CDC73: variants seen among roughly 807,000 people sequenced by gnomAD.
CDC73 encodes cell division cycle 73, also known as parafibromin.
CDC73 carries 21 observed loss-of-function variants against 83.7 expected under a neutral mutation model. That is an observed-to-expected ratio of 0.25 (90% CI 0.18 to 0.36). The LOEUF (loss-of-function observed/expected upper bound fraction) is 0.36. CDC73 is among the 10% of genes least tolerant of loss of function. The pLI is 1.00. For missense variants in CDC73, 342 were observed against 653.3 expected (o/e 0.52, Z 5.19); for synonymous variants, 224 against 212.9 (o/e 1.05, Z -0.45).
intron 10 of CDC73, among the ~76,000 whole-genome samples, chr1:193,183,687 T>C (rs2103161478): frequency 6.6e-6 from 1 of 151,856 alleles, no homozygotes; most frequent in East Asian, 1.9e-4. Flanking sequence ...TCCGCTCCAC[T>C]TCATAAGGAT....
rs143861504 is a variant in CDC73, at chr1:193,203,957, A to T, written c.1030+105A>T. ...TGAACAAACTTAAATTTTACTTAAAATACATTGCAAAGTCATGTTTCTTTG... is the reference window on the plus strand; with the variant it reads ...TGAACAAACTTAAATTTTACTTAAATTACATTGCAAAGTCATGTTTCTTTG... On this transcript the variant is annotated intron_variant, in intron 11 of 16. Transcript: ENST00000367435. The T allele has an allele frequency of 7.9e-6, 7 of 887,950 alleles. No individual in the cohort carries two copies. The African/African-American group carries it at 8.3e-5, about 11-fold the overall frequency. 55.0% of individuals were successfully genotyped at this position (887,950 alleles called of 1,614,324 possible).
intron 11 of CDC73, among the ~76,000 whole-genome samples, chr1:193,209,641 G>T (rs1677244052): frequency 2.0e-5 from 3 of 152,014 alleles, no homozygotes. Flanking sequence ...ACATACTAGG[G>T]AACTTGTTTA....
At chr1:193,147,673 T>TA (rs1303916941) in intron 7 of CDC73, among the ~76,000 whole-genome samples, 194 bp from the exon 8 acceptor site, 3 of 152,212 alleles carry the variant, frequency 2.0e-5, no homozygotes, top group Non-Finnish European at 4.4e-5. Context: ...ATGAATACCA[T>TA]GGGATTTACA....
At chr1:193,166,250 C>CT (rs1256145601) in intron 10 of CDC73, among the ~76,000 whole-genome samples, 1 of 152,046 alleles carries the variant, frequency 6.6e-6, no homozygotes, top group Non-Finnish European at 1.5e-5. Flanking sequence ...TCATTGCAGC[C>CT]TTTATTTCCT....
chr1:193,141,774 T>A (rs533721295), intron 6 of CDC73, 76 bp from the exon 7 acceptor site: 80 of 982,370 alleles, frequency 8.1e-5, no homozygotes, highest in Admixed American at 1.4e-4. Context: ...CAGAAATTTA[T>A]AAATGTAACA....
At chr1:193,158,412 A>C (rs1176899996) in intron 10 of CDC73, among the ~76,000 whole-genome samples, 2 of 152,018 alleles carry the variant, frequency 1.3e-5, no homozygotes, top group African/African-American at 4.8e-5. Context: ...CTATAATCCT[A>C]GAACTTTGGG....
At chr1:193,172,702 C>T (rs2103151160) in intron 10 of CDC73, among the ~76,000 whole-genome samples, 1 of 152,272 alleles carries the variant, frequency 6.6e-6, no homozygotes, top group South Asian at 2.1e-4. Flanking sequence ...AGTTACCTGG[C>T]ACTGCATCCT....
chr1:193,243,219 C>A (rs577235078), intron 15 of CDC73, among the ~76,000 whole-genome samples: 1 of 152,054 alleles, frequency 6.6e-6, no homozygotes, highest in Admixed American at 6.5e-5. Context: ...GGATTACAGG[C>A]GTGAGCCACC....
intron 6 of CDC73, chr1:193,141,081 T>C (rs1211229909): frequency 1.3e-5 from 2 of 152,274 alleles, no homozygotes; most frequent in African/African-American, 4.8e-5. Flanking sequence ...AGATTTTGTG[T>C]AAACATATTT....
chr1:193,238,688 T>C (rs992926676), intron 15 of CDC73, among the ~76,000 whole-genome samples: 1 of 152,214 alleles, frequency 6.6e-6, no homozygotes, highest in Admixed American at 6.5e-5. Context: ...ACATAAACAG[T>C]CGATTAACAA....
chr1:193,239,770 C>G (rs1677825351), intron 15 of CDC73, among the ~76,000 whole-genome samples: 1 of 152,064 alleles, frequency 6.6e-6, no homozygotes, highest in South Asian at 2.1e-4. Context: ...TCTCTTCTAG[C>G]TGTTTAGAAA....
chr1:193,199,630 G>A (rs911154384), intron 10 of CDC73, among the ~76,000 whole-genome samples: 2 of 150,214 alleles, frequency 1.3e-5, no homozygotes, highest in African/African-American at 4.9e-5. Flanking sequence ...GGAGACTCTC[G>A]AGCTTGGGAG....
At chr1:193,142,121 G>C (rs1373677838) in intron 7 of CDC73, 55 bp downstream of exon 7, 7 of 1,384,562 alleles carry the variant, frequency 5.1e-6, no homozygotes, top group Non-Finnish European at 7.2e-6. Context: ...GAGAGAGTGC[G>C]TTTAATCTGT....
chr1:193,133,305 A>T (rs1021236822), intron 3 of CDC73, among the ~76,000 whole-genome samples: 7 of 152,202 alleles, frequency 4.6e-5, no homozygotes, highest in Non-Finnish European at 1.0e-4. Context: ...TTAAGACCGT[A>T]TTCTTAGGAA....
intron 6 of CDC73, 147 bp downstream of exon 6, chr1:193,138,320 T>C: frequency 1.5e-6 from 1 of 686,200 alleles, no homozygotes; most frequent in Non-Finnish European, 2.7e-6. Context: ...AGAACATGTG[T>C]GGGGATTGGA....
At chr1:193,218,265 GAC>G (rs1272021222) in intron 13 of CDC73, among the ~76,000 whole-genome samples, 1 of 152,108 alleles carries the variant, frequency 6.6e-6, no homozygotes, top group African/African-American at 2.4e-5. Flanking sequence ...AATTAGAGAA[GAC>G]ACAAACAAAT....
intron 10 of CDC73, among the ~76,000 whole-genome samples, chr1:193,185,057 T>G (rs1323213637): frequency 6.6e-6 from 1 of 152,060 alleles, no homozygotes; most frequent in South Asian, 2.1e-4. Flanking sequence ...TGCACACACA[T>G]ATAGTGGCGG....
chr1:193,215,928 A>G (rs1417772264), intron 13 of CDC73, among the ~76,000 whole-genome samples: 1 of 152,176 alleles, frequency 6.6e-6, no homozygotes, highest in African/African-American at 2.4e-5. Flanking sequence ...CAAAGATACA[A>G]TGTACCGGAA....
intron 13 of CDC73, among the ~76,000 whole-genome samples, chr1:193,229,097 C>T (rs936686423): frequency 6.6e-6 from 1 of 152,102 alleles, no homozygotes; most frequent in Non-Finnish European, 1.5e-5. Flanking sequence ...GACTAAAATT[C>T]AAAAGACTAG....
Sources: allele counts gnomAD v4.1 joint callset (sites outside exome capture counted in the v4.1 genomes callset), GRCh38; gene constraint gnomAD v4.1.1; transcripts MANE v1.5; gene names NCBI Gene and HGNC (gene_info 2026-07-23, HGNC 2026-07-21).